Variants in PPP1R37 observed in about 807,000 individuals in gnomAD.
The protein encoded by PPP1R37 is leucine rich repeat containing 68.
A neutral mutation model predicts 61.0 loss-of-function variants in PPP1R37; 21 were observed. The observed-to-expected ratio is 0.34, with a 90% CI of 0.24 to 0.50. The LOEUF is 0.50. Ranked by LOEUF, PPP1R37 falls within the 20% of genes least tolerant of loss-of-function variation. The probability of loss-of-function intolerance (pLI) is 0.98; values close to 1 mark genes in which losing one functional copy is unlikely to be tolerated. For synonymous variants in PPP1R37, 443 were observed against 433.5 expected (o/e 1.02, Z -0.27); for missense variants, 910 against 952.7 (o/e 0.96, Z 0.59).
At position 45,145,423 on chromosome 19, in the gene PPP1R37, T is replaced by C; in HGVS notation, c.1367T>C (p.Val456Ala). 3.3e-6 allele frequency: 5 copies of C among 1,535,304 alleles called. No individual in the cohort carries two copies. Among genetic ancestry groups the C allele is most frequent in the Middle Eastern group, 1.7e-4 (1 of 5,950 alleles). The change falls in exon 11 of 13, where the codon GTG becomes GCG. Residue 456 changes from valine to alanine, a missense_variant. Transcript: ENST00000221462. ...EIQNGCKRNLVLAREREEKEQ... is the reference protein window; with the variant it reads ...EIQNGCKRNLALAREREEKEQ... ...CAGAACGGCTGCAAGCGCAACTTGG[T>C]GCTGGCGCGGGAGAGGGAGGAGAAG...
intron 1 of PPP1R37, chr19:45,128,764 G>A: frequency 1.5e-6 from 1 of 669,798 alleles, no homozygotes; most frequent in Non-Finnish European, 2.6e-6. Flanking sequence ...ATCTTTACTG[G>A]GAAGAAATAT....
At position 45,108,291 on chromosome 19, in the gene PPP1R37, ACTC is replaced by A. The variant is rs1968158175; in HGVS notation, c.202+14766_202+14768del. ...GTGGCGTGATCTTGGCTGACTGCAAACTCCACCTCCTAGGCTCAAGCCATTCTC... is the reference window on the plus strand; with the variant it reads ...GTGGCGTGATCTTGGCTGACTGCAAACACCTCCTAGGCTCAAGCCATTCTC... On this transcript the variant is annotated intron_variant, in intron 1 of 12. Coordinates refer to ENST00000221462, the MANE Select transcript of PPP1R37 (RefSeq NM_019121.2). 2.6e-5 allele frequency among the ~76,000 whole-genome samples: 4 copies of A among 151,676 alleles called. No individual in the cohort carries two copies. In the South Asian group the frequency reaches 8.4e-4, roughly 32 times the overall value.
At position 45,142,323 on chromosome 19, in the gene PPP1R37, A is replaced by C; in HGVS notation, c.739A>C (p.Met247Leu). 1 of 1,536,040 alleles carries C rather than the reference A, an allele frequency of 6.5e-7. No individual in the cohort carries two copies. The highest frequency in any genetic ancestry group is 8.7e-7 in the Non-Finnish European group (1 of 1,146,878). Residue 247 changes from methionine (M) to leucine (L), a missense_variant, in exon 7 of 13, where the codon ATG (methionine) becomes CTG (leucine). Physicochemically the swap from Met to Leu is conservative, Grantham distance 15 (BLOSUM62 2). This residue lies in a region of PPP1R37 where 280 missense variants were observed against 382.2 expected (regional missense o/e 0.73). Transcript: ENST00000221462. The stretch of plus-strand genomic sequence containing the variant: ...CCCAGCCACGGCCCTGAAGATGAAC[A>C]TGAACCTGCGGGAGCTGTACCTGGC... ...MLLATALKMN[M>L]NLRELYLADN... is the part of the protein sequence containing the mutation.
At chr19:45,125,568 T>A (rs1012621471) in intron 1 of PPP1R37, among the ~76,000 whole-genome samples, 5 of 152,202 alleles carry the variant, frequency 3.3e-5, no homozygotes, top group Non-Finnish European at 5.9e-5. Context: ...AGAAATGGGA[T>A]GCAGTCTTAA....
rs1376158015 is a variant in PPP1R37, at chr19:45,140,497, T to TC, written c.347-3dup. The TC allele has an allele frequency of 5.2e-6, 8 of 1,532,734 alleles. No individual in the cohort carries two copies. In the African/African-American group the frequency reaches 6.9e-5, roughly 13 times the overall value. 94.9% of individuals were successfully genotyped at this position (1,532,734 alleles called of 1,614,324 possible). On this transcript the variant is annotated splice_polypyrimidine_tract_variant and intron_variant, in intron 3 of 12. Transcript: ENST00000221462. ...CTTAGACATGCGCACGGCTGCTGTC[T>TC]CCCCCCAGGTGAGAAGCTTGACTAC...
intron 1 of PPP1R37, among the ~76,000 whole-genome samples, chr19:45,105,416 C>A (rs987476461): frequency 1.3e-5 from 2 of 152,036 alleles, no homozygotes; most frequent in African/African-American, 4.8e-5. Flanking sequence ...TTTCCCACTG[C>A]GCGTCAGTGT....
chr19:45,145,880 G>C lies in PPP1R37; in HGVS notation c.1824G>C (p.Gly608=). 1 of 1,357,796 alleles carries C rather than the reference G, an allele frequency of 7.4e-7. No individual in the cohort carries two copies. The highest frequency in any genetic ancestry group is 1.2e-5 in the South Asian group (1 of 81,632). The allele number at this position is 1,357,796 out of a possible 1,614,324, so 84.1% of individuals were successfully genotyped here. A position where few individuals can be genotyped will look rare whatever the true frequency, so the allele number is the denominator to read the frequency against. Residue 608 remains glycine, a synonymous_variant, in exon 11 of 13, where the codon GGG becomes GGC. Transcript: ENST00000221462. Reference sequence around the variant, plus strand: ...CCTCACCTTCCCTACCACCAGCCGGGGCCATTGACACCCGGGACACAGGGT... The same window carrying C: ...CCTCACCTTCCCTACCACCAGCCGGCGCCATTGACACCCGGGACACAGGGT... ...PPASPSLPPA[G]AIDTRDTGSS...
rs775287595 is a variant in PPP1R37, at chr19:45,146,469, G to A, written c.2073G>A (p.Leu691=). 9.1e-5 allele frequency: 140 copies of A among 1,535,294 alleles called. No individual in the cohort carries two copies. In the Admixed American group the frequency reaches 1.7e-3, roughly 18 times the overall value. ...EASQESGQET[L] Reference sequence around the variant, plus strand: ...GTCAGGAATCCGGGCAGGAGACACTGTGACACTTTAGGTGAGGCCAGGCCC... The same window carrying A: ...GTCAGGAATCCGGGCAGGAGACACTATGACACTTTAGGTGAGGCCAGGCCC... The change falls in exon 12 of 13, where the codon CTG becomes CTA. Residue 691 remains leucine (L), a synonymous_variant. Transcript: ENST00000221462.
intron 1 of PPP1R37, among the ~76,000 whole-genome samples, chr19:45,108,312 C>T (rs1343996352): frequency 6.6e-6 from 1 of 152,138 alleles, no homozygotes; most frequent in African/African-American, 2.4e-5. Context: ...TAGGCTCAAG[C>T]CATTCTCCTG....
At chr19:45,098,759 C>T (rs932384016) in intron 1 of PPP1R37, among the ~76,000 whole-genome samples, 2 of 152,172 alleles carry the variant, frequency 1.3e-5, no homozygotes, top group Non-Finnish European at 2.9e-5. Flanking sequence ...AGACATGCAT[C>T]TGTCAGTGGT....
intron 7 of PPP1R37, chr19:45,142,682 A>T: frequency 1.8e-6 from 1 of 555,878 alleles, no homozygotes; most frequent in South Asian, 2.5e-5. Flanking sequence ...TCTGGGGGCC[A>T]GGGAGGGCTT....
chr19:45,093,320 G>GC lies in PPP1R37; in HGVS notation c.-5dup. On this transcript the variant is annotated 5_prime_UTR_variant, in exon 1 of 13. Coordinates refer to ENST00000221462, the MANE Select transcript of PPP1R37 (RefSeq NM_019121.2). ...CCGGGGCCCCCGTGAGGAGGCGGCG[G>GC]CGGCTATGGAGATCGCGCCGCAGGA... 7.0e-7 allele frequency: 1 copy of GC among 1,418,850 alleles called. No individual in the cohort carries two copies. The highest frequency in any genetic ancestry group is 1.5e-5 in the African/African-American group (1 of 66,174). 87.9% of individuals were successfully genotyped at this position (1,418,850 alleles called of 1,614,324 possible). A position where few individuals can be genotyped will look rare whatever the true frequency, so the allele number is the denominator to read the frequency against.
chr19:45,146,537 C>CT, intron 12 of PPP1R37, 34 bp from the exon 13 acceptor site: 1 of 1,249,072 alleles, frequency 8.0e-7, no homozygotes, highest in Non-Finnish European at 1.1e-6. Flanking sequence ...GCCTCTGGCT[C>CT]TGACAGTCTC....
At chr19:45,104,944 C>A (rs1416154832) in intron 1 of PPP1R37, among the ~76,000 whole-genome samples, 1 of 152,218 alleles carries the variant, frequency 6.6e-6, no homozygotes, top group Non-Finnish European at 1.5e-5. Context: ...CCTGGCCCTC[C>A]TAATGGGCTC....
chr19:45,109,149 C>T (rs1968169515), intron 1 of PPP1R37, among the ~76,000 whole-genome samples: 1 of 152,128 alleles, frequency 6.6e-6, no homozygotes, highest in African/African-American at 2.4e-5. Flanking sequence ...TATTTTGGGA[C>T]CTTTATAAGG....
At chr19:45,135,063 C>T (rs571463756) in intron 1 of PPP1R37, among the ~76,000 whole-genome samples, 4 of 152,284 alleles carry the variant, frequency 2.6e-5, no homozygotes, top group Admixed American at 6.5e-5. Flanking sequence ...GCCTGACCAA[C>T]GTGGTGAAAC....
At chr19:45,142,638 G>T (rs1658551412) in intron 7 of PPP1R37, 180 bp downstream of exon 7, 3 of 672,838 alleles carry the variant, frequency 4.5e-6, no homozygotes, top group Non-Finnish European at 4.9e-6. Context: ...GGGCAGGACT[G>T]GGCTGGTGGA....
At chr19:45,118,953 C>T (rs1434692198) in intron 1 of PPP1R37, among the ~76,000 whole-genome samples, 2 of 151,930 alleles carry the variant, frequency 1.3e-5, no homozygotes, top group Non-Finnish European at 2.9e-5. Context: ...CTCTGAGCAG[C>T]TGCTGCTTTT....
chr19:45,143,879 G>T, intron 8 of PPP1R37: 1 of 338,332 alleles, frequency 3.0e-6, no homozygotes, highest in Admixed American at 4.7e-5. Context: ...CACCCAGGCT[G>T]GAGTGCAGTG....
Sources: allele counts gnomAD v4.1 joint callset (sites outside exome capture counted in the v4.1 genomes callset), GRCh38; gene constraint gnomAD v4.1.1; regional missense constraint gnomAD v4.1.1; transcripts MANE v1.5; gene names NCBI Gene and HGNC (gene_info 2026-07-23, HGNC 2026-07-21).